HMGN5: variants seen among roughly 807,000 people sequenced by gnomAD.
HMGN5 encodes high mobility group nucleosome binding domain 5.
In HMGN5, 4 loss-of-function variants were observed where a neutral mutation model predicts 9.5. The observed-to-expected ratio is 0.42, with a 90% CI of 0.21 to 0.96. The LOEUF (loss-of-function observed/expected upper bound fraction) is 0.96. HMGN5 is among the 40% of genes least tolerant of loss of function. HMGN5 has a pLI of 0.30. For synonymous variants in HMGN5, 55 were observed against 57.1 expected, an observed-to-expected ratio of 0.96 and a Z score of 0.16; for missense variants, 192 against 187.5, an observed-to-expected ratio of 1.02 and a Z score of -0.14.
intron 1 of HMGN5, among the ~76,000 whole-genome samples, chrX:81,180,649 T>G (rs1034344006): frequency 1.8e-5 from 2 of 111,981 alleles, no homozygotes; most frequent in Non-Finnish European, 3.8e-5. Flanking sequence ...TGGTGATCCC[T>G]CAAGGATCTA....
At chrX:81,175,401 C>T (rs2075438729) in intron 1 of HMGN5, among the ~76,000 whole-genome samples, 1 of 110,158 alleles carries the variant, frequency 9.1e-6, no homozygotes, top group South Asian at 3.8e-4. Context: ...AGACTAACGG[C>T]CTATGAAATA....
chrX:81,199,061 A>G lies in HMGN5; in HGVS notation c.-124+2676T>C, dbSNP rs1256799937. On this transcript the variant is annotated intron_variant, in intron 1 of 6. Coordinates refer to ENST00000358130, the MANE Select transcript of HMGN5 (RefSeq NM_030763.3). The stretch of plus-strand genomic sequence containing the variant: ...GGTACAAAATCAATGTGCAAAGATC[A>G]CAAGCATTCCTATACACCAATAACA... Among the ~76,000 whole-genome samples the G allele has an allele frequency of 7.1e-5, 8 of 111,968 alleles. No individual in the cohort carries two copies. The Admixed American group carries it at 7.6e-4, about 11-fold the overall frequency.
At chrX:81,186,778 T>A (rs1872862599) in intron 1 of HMGN5, among the ~76,000 whole-genome samples, 1 of 111,594 alleles carries the variant, frequency 9.0e-6, no homozygotes, top group African/African-American at 3.2e-5. Flanking sequence ...AATAAGCACA[T>A]CTTTACAATA....
chrX:81,149,610 T>C (rs1418437214), intron 1 of HMGN5, among the ~76,000 whole-genome samples: 1 of 111,628 alleles, frequency 9.0e-6, no homozygotes, highest in Non-Finnish European at 1.9e-5. Context: ...CCCCAGAACT[T>C]GAAGTATAAT....
At chrX:81,136,648 C>A (rs1031516241) in intron 1 of HMGN5, among the ~76,000 whole-genome samples, 2 of 111,125 alleles carry the variant, frequency 1.8e-5, no homozygotes, top group African/African-American at 6.5e-5. Context: ...GGAATGAGAG[C>A]CAGAGGAAAC....
chrX:81,200,979 C>G (rs894922712), intron 1 of HMGN5, among the ~76,000 whole-genome samples: 1 of 111,017 alleles, frequency 9.0e-6, no homozygotes, highest in Admixed American at 9.6e-5. Flanking sequence ...TGTAATAGTA[C>G]CCACCTCTTG....
chrX:81,180,660 G>T (rs1207750945), intron 1 of HMGN5, among the ~76,000 whole-genome samples: 2 of 111,868 alleles, frequency 1.8e-5, no homozygotes, highest in African/African-American at 6.5e-5. Flanking sequence ...CAAGGATCTA[G>T]AACTAGAAAT....
At chrX:81,191,088 T>C (rs1245058661) in intron 1 of HMGN5, among the ~76,000 whole-genome samples, 1 of 111,958 alleles carries the variant, frequency 8.9e-6, no homozygotes, top group Non-Finnish European at 1.9e-5. Flanking sequence ...TGTCTGTTAC[T>C]AATATGTTCA....
intron 1 of HMGN5, among the ~76,000 whole-genome samples, chrX:81,137,397 A>G (rs1425905165): frequency 8.9e-6 from 1 of 111,940 alleles, no homozygotes; most frequent in Non-Finnish European, 1.9e-5. Flanking sequence ...CAATAATGAA[A>G]TCAAATTAGA....
chrX:81,142,234 C>A (rs2075331778), intron 1 of HMGN5, among the ~76,000 whole-genome samples: 2 of 111,435 alleles, frequency 1.8e-5, no homozygotes, highest in Middle Eastern at 4.7e-3. Context: ...CCCAAAAGGG[C>A]AAATCTGAGA....
chrX:81,183,600 A>T (rs1396089609), intron 1 of HMGN5, among the ~76,000 whole-genome samples: 1 of 112,692 alleles, frequency 8.9e-6, no homozygotes, highest in Non-Finnish European at 1.9e-5. Context: ...TCTGGATTCC[A>T]GAAGATGTAT....
rs759606559 is a variant in HMGN5 at position 81,119,751 on chromosome X, G to A, written c.45+37C>T. On this transcript the variant is annotated intron_variant, in intron 3 of 6. Coordinates refer to ENST00000358130, the MANE Select transcript of HMGN5 (RefSeq NM_030763.3). ...TTATGTCAAGTTTATAAAACGAGTG[G>A]TTTTTCCTAATAGATGCTAAGACTA... The A allele has an allele frequency of 4.3e-6, 5 of 1,165,628 alleles. No individual in the cohort carries two copies. The South Asian group carries it at 9.0e-5, about 21-fold the overall frequency.
At chrX:81,145,079 G>C (rs2075339901) in intron 1 of HMGN5, among the ~76,000 whole-genome samples, 2 of 111,922 alleles carry the variant, frequency 1.8e-5, no homozygotes, top group African/African-American at 6.5e-5. Context: ...CACTCTTAAG[G>C]ATATTATCCG....
chrX:81,135,744 CAATATTCTAAA>C, intron 1 of HMGN5, among the ~76,000 whole-genome samples: 1 of 110,154 alleles, frequency 9.1e-6, no homozygotes, highest in African/African-American at 3.3e-5. Context: ...CTAGAGGGAA[CAATATTCTAAA>C]AATAATTGTA....
At chrX:81,167,453 T>TACACACACAC (rs371953666) in intron 1 of HMGN5, among the ~76,000 whole-genome samples, 2 of 102,894 alleles carry the variant, frequency 1.9e-5, no homozygotes, top group African/African-American at 7.0e-5. Context: ...CATATTTGTG[T>TACACACACAC]ACACACACAC....
chrX:81,149,951 G>A (rs180834479), intron 1 of HMGN5, among the ~76,000 whole-genome samples: 2 of 111,844 alleles, frequency 1.8e-5, no homozygotes, highest in Non-Finnish European at 3.8e-5. Context: ...TCCCCATACA[G>A]TCATAGCTGA....
chrX:81,177,200 A>G (rs2075444662), intron 1 of HMGN5, among the ~76,000 whole-genome samples: 1 of 107,554 alleles, frequency 9.3e-6, no homozygotes, highest in South Asian at 4.2e-4. Flanking sequence ...TAAATGTACT[A>G]AAATATTAAA....
chrX:81,140,369 G>A (rs768640334), intron 1 of HMGN5, among the ~76,000 whole-genome samples: 1 of 110,141 alleles, frequency 9.1e-6, no homozygotes. Context: ...GACCATCCTG[G>A]CTAACAAGGT....
intron 1 of HMGN5, among the ~76,000 whole-genome samples, chrX:81,141,237 C>T (rs1490750141): frequency 8.9e-6 from 1 of 111,831 alleles, no homozygotes; most frequent in Non-Finnish European, 1.9e-5. Flanking sequence ...TGGGGGAAGT[C>T]TTCACCCTGC....
Sources: allele counts gnomAD v4.1 joint callset (sites outside exome capture counted in the v4.1 genomes callset), GRCh38; gene constraint gnomAD v4.1.1; transcripts MANE v1.5; gene names NCBI Gene and HGNC (gene_info 2026-07-23, HGNC 2026-07-21).